THEMIS: variants seen among roughly 807,000 people sequenced by gnomAD.
The protein encoded by THEMIS is thymocyte selection associated, also known as protein THEMIS.
Under a neutral mutation model 52.6 loss-of-function variants are expected in THEMIS, and 37 were observed. The observed-to-expected ratio is 0.70, with a 90% CI of 0.54 to 0.93. THEMIS has a LOEUF of 0.93. Ranked by LOEUF, THEMIS falls within the 40% of genes least tolerant of loss-of-function variation. The probability of loss-of-function intolerance (pLI) is 0.00; values close to 1 mark genes in which losing one functional copy is unlikely to be tolerated. For synonymous variants in THEMIS, 292 were observed against 272.7 expected, an observed-to-expected ratio of 1.07 and a Z score of -0.70; for missense variants, 808 against 763.1, an observed-to-expected ratio of 1.06 and a Z score of -0.69.
intron 2 of THEMIS, among the ~76,000 whole-genome samples, chr6:127,851,209 G>A (rs2114275060): frequency 6.6e-6 from 1 of 151,726 alleles, no homozygotes; most frequent in Non-Finnish European, 1.5e-5. Flanking sequence ...AGAGCAGAGA[G>A]AGAGAGGTAT....
chr6:127,868,307 G>T, intron 1 of THEMIS: 2 of 251,516 alleles, frequency 8.0e-6, no homozygotes, highest in Non-Finnish European at 1.3e-5. Context: ...ATGCTGGTGG[G>T]ATTGTCTTGA....
At chr6:127,737,232 G>T (rs1775041165) in intron 4 of THEMIS, among the ~76,000 whole-genome samples, 1 of 152,184 alleles carries the variant, frequency 6.6e-6, no homozygotes, top group African/African-American at 2.4e-5. Context: ...AATCTGCCAG[G>T]ATTTCATGGC....
At chr6:127,772,560 A>C (rs1776423390) in intron 4 of THEMIS, among the ~76,000 whole-genome samples, 1 of 152,120 alleles carries the variant, frequency 6.6e-6, no homozygotes, top group Non-Finnish European at 1.5e-5. Context: ...TTGCTTAAAA[A>C]TCAAGGTCTT....
chr6:127,761,582 A>C (rs915175884), intron 4 of THEMIS, among the ~76,000 whole-genome samples: 1 of 152,168 alleles, frequency 6.6e-6, no homozygotes, highest in Non-Finnish European at 1.5e-5. Flanking sequence ...AGGCCACTGA[A>C]CAAGCACTAG....
intron 2 of THEMIS, among the ~76,000 whole-genome samples, chr6:127,835,424 AT>A (rs1192572417): frequency 6.6e-6 from 1 of 152,134 alleles, no homozygotes; most frequent in Admixed American, 6.5e-5. Context: ...CTACAATTTC[AT>A]TTTTCATAAA....
chr6:127,773,159 T>C (rs186681124), intron 4 of THEMIS, among the ~76,000 whole-genome samples: 1 of 152,210 alleles, frequency 6.6e-6, no homozygotes, highest in East Asian at 1.9e-4. Context: ...TGCCCTGGAA[T>C]GTACTTCCTT....
intron 1 of THEMIS, among the ~76,000 whole-genome samples, chr6:127,897,510 G>A (rs952600434): frequency 3.3e-5 from 5 of 151,334 alleles, no homozygotes; most frequent in African/African-American, 7.3e-5. Flanking sequence ...GCAAAAAAGA[G>A]TATTTCCAAA....
chr6:127,856,030 C>G (rs746641856), intron 1 of THEMIS, among the ~76,000 whole-genome samples: 10 of 151,960 alleles, frequency 6.6e-5, no homozygotes, highest in Non-Finnish European at 1.5e-4. Context: ...CAATTCAACA[C>G]TAACTTAAGG....
chr6:127,913,544 A>G (rs1198016182), intron 1 of THEMIS, among the ~76,000 whole-genome samples: 3 of 152,232 alleles, frequency 2.0e-5, no homozygotes, highest in Non-Finnish European at 4.4e-5. Flanking sequence ...GAACCAGGTT[A>G]AATTCTACCT....
intron 4 of THEMIS, among the ~76,000 whole-genome samples, chr6:127,811,843 T>C (rs1336940863): frequency 6.6e-6 from 1 of 152,204 alleles, no homozygotes; most frequent in African/African-American, 2.4e-5. Context: ...TTCAAAACTG[T>C]TTGTCTGGGA....
chr6:127,783,895 C>T (rs528859605), intron 4 of THEMIS, among the ~76,000 whole-genome samples: 12 of 152,140 alleles, frequency 7.9e-5, no homozygotes, highest in Non-Finnish European at 1.5e-4. Flanking sequence ...GGTATATACC[C>T]AAAGGATTAT....
chr6:127,753,740 G>A (rs990822570), intron 4 of THEMIS, among the ~76,000 whole-genome samples: 3 of 151,988 alleles, frequency 2.0e-5, no homozygotes, highest in African/African-American at 4.8e-5. Flanking sequence ...GATTGCCAGG[G>A]GCTGATGGGA....
chr6:127,902,324 C>CAAAAAAAAA (rs35320887), upstream of THEMIS, among the ~76,000 whole-genome samples: 11 of 109,734 alleles, frequency 1.0e-4, no homozygotes, highest in Non-Finnish European at 1.5e-4. Context: ...GACTCTGTCT[C>CAAAAAAAAA]AAAAAAAAAA....
At chr6:127,823,277 G>C (rs1475718181) in intron 3 of THEMIS, among the ~76,000 whole-genome samples, 1 of 152,032 alleles carries the variant, frequency 6.6e-6, no homozygotes, top group Non-Finnish European at 1.5e-5. Flanking sequence ...TATTTTCATG[G>C]ACACATTGCG....
At chr6:127,799,641 T>G (rs941124749) in intron 4 of THEMIS, among the ~76,000 whole-genome samples, 3 of 151,970 alleles carry the variant, frequency 2.0e-5, no homozygotes, top group African/African-American at 4.8e-5. Context: ...GTTCTTATAT[T>G]GTTCACTAGT....
At position 127,755,153 on chromosome 6, in the gene THEMIS, T is replaced by C. The variant is rs56802662; in HGVS notation, c.1759-35330A>G. The stretch of plus-strand genomic sequence containing the variant: ...CATCTACAGAACACGTGTTCCAAAA[T>C]AATATAATGCTCTTGCACTATATCT... On this transcript the variant is annotated intron_variant, in intron 4 of 5. Coordinates refer to ENST00000368248, the MANE Select transcript of THEMIS (RefSeq NM_001010923.3). Among the ~76,000 whole-genome samples, 300 of 152,324 alleles carry C rather than the reference T, an allele frequency of 2.0e-3. 2 individuals are homozygous for C. The East Asian group carries it at 0.032, about 16-fold the overall frequency.
intron 4 of THEMIS, among the ~76,000 whole-genome samples, chr6:127,804,072 G>T (rs781189879): frequency 6.6e-6 from 1 of 152,024 alleles, no homozygotes; most frequent in Non-Finnish European, 1.5e-5. Flanking sequence ...TAAGAAATTT[G>T]TGTGTGTGGA....
At chr6:127,834,652 A>G (rs911001089) in intron 2 of THEMIS, among the ~76,000 whole-genome samples, 8 of 152,204 alleles carry the variant, frequency 5.3e-5, no homozygotes, top group African/African-American at 1.9e-4. Flanking sequence ...ATAGTTTTTC[A>G]TATTGCTTTT....
At chr6:127,890,660 C>T (rs1012010154) in intron 1 of THEMIS, among the ~76,000 whole-genome samples, 6 of 152,010 alleles carry the variant, frequency 3.9e-5, no homozygotes, top group African/African-American at 1.2e-4. Flanking sequence ...AACTTGATCA[C>T]GCTGTATGTA....
Sources: gnomAD v4.1 joint callset for allele counts (sites outside exome capture counted in the v4.1 genomes callset) on GRCh38, gnomAD v4.1.1 for gene constraint, MANE v1.5 for transcripts, NCBI Gene and HGNC (gene_info 2026-07-23, HGNC 2026-07-21) for gene names.